Variants in THNSL2 observed in about 807,000 individuals in gnomAD.
THNSL2 encodes the protein threonine synthase-like 2.
THNSL2 carries 34 observed loss-of-function variants against 40.0 expected under a neutral mutation model. That is an observed-to-expected ratio of 0.85 (90% confidence interval 0.65 to 1.13). The LOEUF (loss-of-function observed/expected upper bound fraction) is 1.13. Among genes scored for constraint, THNSL2 ranks in the 50% most tolerant of loss-of-function variants. The pLI, the probability that THNSL2 is intolerant of heterozygous loss-of-function variation, is 0.00. For synonymous variants in THNSL2, 241 were observed against 247.5 expected (o/e 0.97, Z 0.25); for missense variants, 537 against 608.8 (o/e 0.88, Z 1.24).
chr2:88,175,633 T>A, intron 4 of THNSL2: 1 of 499,914 alleles, frequency 2.0e-6, no homozygotes, highest in Non-Finnish European at 3.5e-6. Context: ...TACAACATGC[T>A]AAGTATGGAT....
In THNSL2 at chr2:88,170,398, T is replaced by G. The variant is rs1403636302; in HGVS notation, c.-71T>G. The G allele has an allele frequency of 2.2e-5, 3 of 135,894 alleles. No homozygotes were observed. In the East Asian group the frequency reaches 6.1e-4, roughly 28 times the overall value. The allele number at this position is 135,894 out of a possible 1,614,324, so 8.4% of individuals were successfully genotyped here. A position where few individuals can be genotyped will look rare whatever the true frequency, so the allele number is the denominator to read the frequency against. On this transcript the variant is annotated 5_prime_UTR_variant, in exon 1 of 9. Coordinates refer to ENST00000674334, the MANE Select transcript of THNSL2 (RefSeq NM_018271.5). ...CGCACATTCGCAGCCCGGGCAGCCC[T>G]GCTGCGCACCGGGCCTCGCGCCCCG...
intron 2 of THNSL2, among the ~76,000 whole-genome samples, chr2:88,174,229 G>C (rs1676665675): frequency 6.6e-6 from 1 of 152,176 alleles, no homozygotes; most frequent in African/African-American, 2.4e-5. Context: ...GGCGTCACAG[G>C]TGTGAGATTT....
At position 88,183,087 on chromosome 2, in the gene THNSL2, C is replaced by CA; in HGVS notation, c.1077+15dup. The CA allele has an allele frequency of 6.2e-7, 1 of 1,609,272 alleles. No homozygotes were observed. The highest frequency in any genetic ancestry group is 8.5e-7 in the Non-Finnish European group (1 of 1,177,354). Reference sequence around the variant, plus strand: ...CTGCACAGCAAGGTCAGTCACTACCCACACACCACAGAGAAAGGAAAGGGT... The same window carrying CA: ...CTGCACAGCAAGGTCAGTCACTACCCAACACACCACAGAGAAAGGAAAGGGT... On this transcript the variant is annotated intron_variant, in intron 7 of 8. Coordinates refer to ENST00000674334, the MANE Select transcript of THNSL2 (RefSeq NM_018271.5).
intron 5 of THNSL2, among the ~76,000 whole-genome samples, chr2:88,181,560 C>G (rs1214468902): frequency 1.4e-4 from 18 of 125,364 alleles, no homozygotes; most frequent in African/African-American, 5.1e-4. Flanking sequence ...CCCTCTCTCT[C>G]CTCTCTCTCT....
In THNSL2 at chr2:88,185,286, T is replaced by TC. The variant is rs557818118; in HGVS notation, c.1078-33dup. 4.9e-3 allele frequency: 7,574 copies of TC among 1,537,258 alleles called. 109 individuals carry two copies. The East Asian group carries it at 0.085, about 17-fold the overall frequency. ...TGGGGTTTTGTCATCTTTCCCTACATCCCCCCCCCACACCTCATCTTTCTG... is the reference window on the plus strand; with the variant it reads ...TGGGGTTTTGTCATCTTTCCCTACATCCCCCCCCCCACACCTCATCTTTCTG... On this transcript the variant is annotated intron_variant, in intron 7 of 8. Transcript: ENST00000674334.
At chr2:88,185,034 C>A (rs1387929755) in intron 7 of THNSL2, among the ~76,000 whole-genome samples, 1 of 152,148 alleles carries the variant, frequency 6.6e-6, no homozygotes, top group African/African-American at 2.4e-5. Flanking sequence ...GTGTGGCTGC[C>A]CCGAGCCTTC....
rs559793710 is a variant in THNSL2, at chr2:88,170,394, G to C, written c.-75G>C. Reference sequence around the variant, plus strand: ...AGTGCGCACATTCGCAGCCCGGGCAGCCCTGCTGCGCACCGGGCCTCGCGC... The same window carrying C: ...AGTGCGCACATTCGCAGCCCGGGCACCCCTGCTGCGCACCGGGCCTCGCGC... On this transcript the variant is annotated 5_prime_UTR_variant, in exon 1 of 9. Coordinates refer to ENST00000674334, the MANE Select transcript of THNSL2 (RefSeq NM_018271.5). 1 of 139,268 alleles carries C rather than the reference G, an allele frequency of 7.2e-6. No homozygotes were observed. The highest frequency in any genetic ancestry group is 2.0e-4 in the South Asian group (1 of 5,116). The allele number at this position is 139,268 out of a possible 1,614,324, so 8.6% of individuals were successfully genotyped here. A position where few individuals can be genotyped will look rare whatever the true frequency, so the allele number is the denominator to read the frequency against.
rs1676548613 is a variant in THNSL2, at chr2:88,173,241, A to G, written c.91A>G (p.Met31Val). The G allele has an allele frequency of 1.9e-6, 3 of 1,611,808 alleles. No individual in the cohort carries two copies. Among genetic ancestry groups the G allele is most frequent in the East Asian group, 2.2e-5 (1 of 44,882 alleles). The change falls in exon 2 of 9, where the codon ATG becomes GTG. Residue 31 changes from methionine (M) to valine (V), a missense_variant. Transcript: ENST00000674334. ...CTATGCACCTGACGGGGGCCTCTTT[A>G]TGCCTGAAGAGCTCCCACAGTTGGA... Reference protein sequence around the residue: ...SGYAPDGGLFMPEELPQLDRG... With the variant: ...SGYAPDGGLFVPEELPQLDRG...
intron 4 of THNSL2, chr2:88,176,090 G>C (rs946004982): frequency 6.6e-6 from 1 of 151,818 alleles, no homozygotes; most frequent in Non-Finnish European, 1.5e-5. Flanking sequence ...GTGAGACCCT[G>C]TCTCAAAAAA....
chr2:88,175,309 A>T lies in THNSL2; in HGVS notation c.479A>T (p.Asp160Val), dbSNP rs1186438147. Residue 160 changes from aspartate to valine, a missense_variant, in exon 4 of 9, where the codon GAC becomes GTC. Asp to Val is a radical substitution (Grantham distance 152, BLOSUM62 -3). Transcript: ENST00000674334. ...AGTGTTCAAGGGGCAAAGAACATGG[A>T]CATTATCGTTCTGCTGCCCAAAGGT... ...IESVQGAKNM[D>V]IIVLLPKGHC... 1 of 1,614,204 alleles carries T rather than the reference A, an allele frequency of 6.2e-7. No individual in the cohort carries two copies. The highest frequency in any genetic ancestry group is 8.5e-7 in the Non-Finnish European group (1 of 1,180,028).
Position 88,182,850 on chromosome 2 carries a change from AG to A in THNSL2, c.951+5del. 1.2e-6 allele frequency: 2 copies of A among 1,614,056 alleles called. No individual in the cohort carries two copies. The highest frequency in any genetic ancestry group is 1.7e-6 in the Non-Finnish European group (2 of 1,179,966). On this transcript the variant is annotated splice_donor_region_variant and intron_variant, in intron 6 of 8. Coordinates refer to ENST00000674334, the MANE Select transcript of THNSL2 (RefSeq NM_018271.5). ...TGGCATCAGCTATGGACATTCAGGT[AG>A]GCCTGGGGGAGGTGTGCAGATCTGG...
At chr2:88,173,037 G>A in intron 1 of THNSL2, 102 bp from the exon 2 acceptor site, 1 of 682,142 alleles carries the variant, frequency 1.5e-6, no homozygotes, top group Non-Finnish European at 2.4e-6. Flanking sequence ...CCCGGAGACT[G>A]GTGGTCTAGA....
chr2:88,177,934 T>C (rs1186798603), intron 4 of THNSL2, among the ~76,000 whole-genome samples: 4 of 152,192 alleles, frequency 2.6e-5, no homozygotes, highest in African/African-American at 9.7e-5. Context: ...CACATGGATC[T>C]AGAGTCAGTC....
chr2:88,172,735 C>A (rs1676493989), intron 1 of THNSL2: 1 of 156,574 alleles, frequency 6.4e-6, no homozygotes, highest in African/African-American at 2.4e-5. Flanking sequence ...ACCGAGACGT[C>A]CCTGAAAGGG....
chr2:88,178,974 G>A lies in THNSL2; in HGVS notation c.763G>A (p.Glu255Lys). ...GGACACACATCCCCTACCCCTGGTG[G>A]AGGTGGTTGTGCCAACAGGGGCTGC... ...SLDTHPLPLV[E>K]VVVPTGAAGN... Residue 255 changes from glutamate to lysine, a missense_variant, in exon 5 of 9, where the codon GAG becomes AAG. Physicochemically the swap from Glu to Lys is moderately conservative, Grantham distance 56. Coordinates refer to ENST00000674334, the MANE Select transcript of THNSL2 (RefSeq NM_018271.5). 3 of 1,614,218 alleles carry A rather than the reference G, an allele frequency of 1.9e-6. No homozygotes were observed. Among genetic ancestry groups the A allele is most frequent in the Non-Finnish European group, 2.5e-6 (3 of 1,180,034 alleles).
intron 4 of THNSL2, among the ~76,000 whole-genome samples, chr2:88,177,892 C>T (rs1677108495): frequency 6.6e-6 from 1 of 152,216 alleles, no homozygotes; most frequent in African/African-American, 2.4e-5. Flanking sequence ...GGAATGGAAT[C>T]ACCATGACTG....
chr2:88,182,920 C>G (rs1453594203), intron 6 of THNSL2, 28 bp from the exon 7 acceptor site: 2 of 1,614,018 alleles, frequency 1.2e-6, no homozygotes, highest in Non-Finnish European at 1.7e-6. Context: ...TGAGATCAGT[C>G]TGGACCTGAA....
Position 88,186,016 on chromosome 2 carries a change from C to T in THNSL2, c.1348C>T (p.Arg450Cys), listed in dbSNP as rs143087335. The change falls in exon 9 of 9, where the codon CGC becomes TGC. Residue 450 changes from arginine to cysteine, a missense_variant. Arg to Cys is a radical substitution (Grantham distance 180, BLOSUM62 -3). Transcript: ENST00000674334. ...CGTAGCCCTGGAGCACAAGGAGACACGCTGCACCCTGATGCGGAGAGGTGA... is the reference window on the plus strand; with the variant it reads ...CGTAGCCCTGGAGCACAAGGAGACATGCTGCACCCTGATGCGGAGAGGTGA... ...EIVALEHKETRCTLMRRGDNW... is the reference protein window; with the variant it reads ...EIVALEHKETCCTLMRRGDNW... 110 of 1,609,896 alleles carry T rather than the reference C, an allele frequency of 6.8e-5. 1 individual carries two copies. The East Asian group carries it at 1.9e-3, about 27-fold the overall frequency.
intron 5 of THNSL2, among the ~76,000 whole-genome samples, chr2:88,181,495 T>C (rs1169067410): frequency 1.9e-5 from 1 of 53,188 alleles, no homozygotes; most frequent in Non-Finnish European, 3.5e-5. Context: ...TCTCTCTCTC[T>C]CCTCTCTCTC....
Sources: gnomAD v4.1 joint callset for allele counts (sites outside exome capture counted in the v4.1 genomes callset) on GRCh38, gnomAD v4.1.1 for gene constraint, MANE v1.5 for transcripts, NCBI Gene and HGNC (gene_info 2026-07-23, HGNC 2026-07-21) for gene names.